FAM241A: variants seen among roughly 807,000 people sequenced by gnomAD.
FAM241A encodes the protein family with sequence similarity 241 member A, also known as uncharacterized protein FAM241A.
FAM241A carries 7 observed loss-of-function variants against 12.2 expected under a neutral mutation model. The observed-to-expected ratio is 0.58, with a 90% CI of 0.33 to 1.08. The LOEUF (loss-of-function observed/expected upper bound fraction) is 1.08, where lower values mean the gene tolerates loss of function less well. Ranked by LOEUF, FAM241A falls within the 50% of genes least tolerant of loss-of-function variation. The probability of loss-of-function intolerance (pLI) is 0.04; values close to 1 mark genes in which losing one functional copy is unlikely to be tolerated. For missense variants in FAM241A, 161 were observed against 169.7 expected (o/e 0.95, Z 0.29); for synonymous variants, 74 against 68.2 (o/e 1.08, Z -0.42).
Position 112,173,290 on chromosome 4 carries a change from C to A in FAM241A, c.154-13403C>A, listed in dbSNP as rs1723759734. Among the ~76,000 whole-genome samples, 3 of 152,222 alleles carry A rather than the reference C, an allele frequency of 2.0e-5. No individual in the cohort carries two copies. In the South Asian group the frequency reaches 6.2e-4, roughly 32 times the overall value. On this transcript the variant is annotated intron_variant, in intron 1 of 1. Coordinates refer to ENST00000309733, the MANE Select transcript of FAM241A (RefSeq NM_152400.3). ...ATATTTCTACATTTTTTAAGAACTTCCCCAGAGAGTTATAAATAATGATAG... is the reference window on the plus strand; with the variant it reads ...ATATTTCTACATTTTTTAAGAACTTACCCAGAGAGTTATAAATAATGATAG...
At chr4:112,171,907 A>G (rs1560583718) in intron 1 of FAM241A, among the ~76,000 whole-genome samples, 1 of 152,202 alleles carries the variant, frequency 6.6e-6, no homozygotes, top group African/African-American at 2.4e-5. Context: ...ATATTCAAAA[A>G]AAGTATTATT....
chr4:112,169,300 C>T (rs966504496), intron 1 of FAM241A, among the ~76,000 whole-genome samples: 5 of 152,090 alleles, frequency 3.3e-5, no homozygotes, highest in African/African-American at 1.2e-4. Flanking sequence ...TTCGTTTTGT[C>T]CTAAAAGGAA....
At position 112,191,242 on chromosome 4, in the gene FAM241A, A is replaced by T. The variant is rs2110439089; in HGVS notation, c.*4304A>T. On this transcript the variant is annotated 3_prime_UTR_variant, in exon 2 of 2. Coordinates refer to ENST00000309733, the MANE Select transcript of FAM241A (RefSeq NM_152400.3). The stretch of plus-strand genomic sequence containing the variant: ...AGTACCAAATCTATTTTACTTCTAA[A>T]AATATAATCTTTCTACTTCTATTCA... 6.6e-6 allele frequency: 1 copy of T among 152,318 alleles called. No homozygotes were observed. Among genetic ancestry groups the T allele is most frequent in the East Asian group, 1.9e-4 (1 of 5,186 alleles). The allele number at this position is 152,318 out of a possible 1,614,324, so 9.4% of individuals were successfully genotyped here.
Position 112,190,504 on chromosome 4 carries a change from G to A in FAM241A, c.*3566G>A, listed in dbSNP as rs1724144516. 1 of 146,552 alleles carries A rather than the reference G, an allele frequency of 6.8e-6. No homozygotes were observed. The highest frequency in any genetic ancestry group is 1.5e-5 in the Non-Finnish European group (1 of 67,164). The allele number at this position is 146,552 out of a possible 1,614,324, so 9.1% of individuals were successfully genotyped here. On this transcript the variant is annotated 3_prime_UTR_variant, in exon 2 of 2. Transcript: ENST00000309733. The stretch of plus-strand genomic sequence containing the variant: ...AGTTCGAGACTAGCCTGACCAACAT[G>A]GAGAAACCCCGTCTCTACTAAAAAA...
Position 112,162,490 on chromosome 4 carries a change from A to T in FAM241A, c.153+16757A>T, listed in dbSNP as rs992949260. ...CAGGATACAAAATCAATGTGCAAAA[A>T]TCACAAGCATTCCTCCACACCAATA... On this transcript the variant is annotated intron_variant, in intron 1 of 1. Coordinates refer to ENST00000309733, the MANE Select transcript of FAM241A (RefSeq NM_152400.3). Among the ~76,000 whole-genome samples the T allele has an allele frequency of 3.3e-5, 5 of 152,358 alleles. No individual in the cohort carries two copies. The South Asian group carries it at 1.0e-3, about 32-fold the overall frequency.
At chr4:112,156,531 GT>G (rs1723356769) in intron 1 of FAM241A, among the ~76,000 whole-genome samples, 1 of 152,160 alleles carries the variant, frequency 6.6e-6, no homozygotes, top group Non-Finnish European at 1.5e-5. Context: ...TATGGCAAAT[GT>G]TTCAGAAAAT....
At chr4:112,185,916 C>T (rs1302529413) in intron 1 of FAM241A, among the ~76,000 whole-genome samples, 1 of 152,198 alleles carries the variant, frequency 6.6e-6, no homozygotes, top group Admixed American at 6.5e-5. Context: ...TCTTCCTTCT[C>T]TACCTGTGAA....
In FAM241A at chr4:112,145,501, C is replaced by G; in HGVS notation, c.-80C>G. 8.5e-7 allele frequency: 1 copy of G among 1,179,292 alleles called. No individual in the cohort carries two copies. The highest frequency in any genetic ancestry group is 1.1e-6 in the Non-Finnish European group (1 of 949,426). 73.1% of individuals were successfully genotyped at this position (1,179,292 alleles called of 1,614,324 possible). A position where few individuals can be genotyped will look rare whatever the true frequency, so the allele number is the denominator to read the frequency against. Reference sequence around the variant, plus strand: ...GCGGGTGCGGCGGATCCCAGGGCAGCCTTCGGGCGGCGGCGCTGCCTGGTG... The same window carrying G: ...GCGGGTGCGGCGGATCCCAGGGCAGGCTTCGGGCGGCGGCGCTGCCTGGTG... On this transcript the variant is annotated 5_prime_UTR_variant, in exon 1 of 2. Transcript: ENST00000309733.
rs563452070 is a variant in FAM241A, at chr4:112,171,274, C to G, written c.154-15419C>G. 386 of 753,150 alleles carry G rather than the reference C, an allele frequency of 5.1e-4. 1 individual carries two copies. The Middle Eastern group carries it at 5.6e-3, about 11-fold the overall frequency. 46.7% of individuals were successfully genotyped at this position (753,150 alleles called of 1,614,324 possible). On this transcript the variant is annotated intron_variant, in intron 1 of 1. Transcript: ENST00000309733. ...TGTACGAAGTGTGGCAAGCACCAACCCCACAAAATGACACAGTACAAGAAG... is the reference window on the plus strand; with the variant it reads ...TGTACGAAGTGTGGCAAGCACCAACGCCACAAAATGACACAGTACAAGAAG...
chr4:112,165,290 C>T (rs1478009514), intron 1 of FAM241A, among the ~76,000 whole-genome samples: 2 of 152,152 alleles, frequency 1.3e-5, no homozygotes, highest in Non-Finnish European at 2.9e-5. Context: ...AGGGAAGCCT[C>T]ATACTGTTGG....
intron 1 of FAM241A, among the ~76,000 whole-genome samples, chr4:112,178,743 G>A (rs578050930): frequency 6.6e-6 from 1 of 152,210 alleles, no homozygotes; most frequent in East Asian, 1.9e-4. Context: ...CTATACATCT[G>A]ACAGAGGTCT....
At chr4:112,150,825 C>G (rs1348887192) in intron 1 of FAM241A, among the ~76,000 whole-genome samples, 1 of 152,156 alleles carries the variant, frequency 6.6e-6, no homozygotes, top group Non-Finnish European at 1.5e-5. Flanking sequence ...GTAACAACTT[C>G]ATAGGATTAT....
At chr4:112,172,190 A>G (rs1723737243) in intron 1 of FAM241A, among the ~76,000 whole-genome samples, 1 of 152,184 alleles carries the variant, frequency 6.6e-6, no homozygotes. Context: ...ATTGCCCAAC[A>G]CATACTATTC....
intron 1 of FAM241A, among the ~76,000 whole-genome samples, chr4:112,163,407 C>T (rs1032410414): frequency 2.0e-5 from 3 of 152,004 alleles, no homozygotes; most frequent in Non-Finnish European, 2.9e-5. Flanking sequence ...TACAATCTAC[C>T]CATCTGACAA....
At chr4:112,170,415 A>G (rs1163246964) in intron 1 of FAM241A, among the ~76,000 whole-genome samples, 1 of 152,234 alleles carries the variant, frequency 6.6e-6, no homozygotes, top group African/African-American at 2.4e-5. Flanking sequence ...CAACAATAAG[A>G]ATAAATTAGA....
intron 1 of FAM241A, among the ~76,000 whole-genome samples, chr4:112,178,698 AG>A (rs1311686597): frequency 6.6e-6 from 1 of 152,214 alleles, no homozygotes; most frequent in African/African-American, 2.4e-5. Flanking sequence ...CAGAGTAAAC[AG>A]GCAGCCTACA....
At chr4:112,165,407 A>G (rs1366424833) in intron 1 of FAM241A, among the ~76,000 whole-genome samples, 2 of 152,224 alleles carry the variant, frequency 1.3e-5, no homozygotes, top group Non-Finnish European at 2.9e-5. Flanking sequence ...TGCTGGGTAT[A>G]TCTCCAAAAG....
At chr4:112,180,435 T>C (rs907058605) in intron 1 of FAM241A, among the ~76,000 whole-genome samples, 1 of 152,208 alleles carries the variant, frequency 6.6e-6, no homozygotes, top group Non-Finnish European at 1.5e-5. Flanking sequence ...GTGTCCTCTT[T>C]ATACAGTATT....
intron 1 of FAM241A, among the ~76,000 whole-genome samples, chr4:112,177,920 A>C (rs79692365): frequency 1.3e-5 from 2 of 152,162 alleles, no homozygotes; most frequent in Non-Finnish European, 2.9e-5. Flanking sequence ...ATTACATTTA[A>C]GTTTTCTTTG....
Sources: allele counts gnomAD v4.1 joint callset (sites outside exome capture counted in the v4.1 genomes callset), GRCh38; gene constraint gnomAD v4.1.1; transcripts MANE v1.5; gene names NCBI Gene and HGNC (gene_info 2026-07-23, HGNC 2026-07-21).